Variants in RMDN2 observed in about 807,000 individuals in gnomAD.
The protein encoded by RMDN2 is regulator of microtubule dynamics protein 2.
RMDN2 carries 61 observed loss-of-function variants against 52.8 expected under a neutral mutation model. The observed-to-expected ratio is 1.16, with a 90% CI of 0.94 to 1.43. The LOEUF (loss-of-function observed/expected upper bound fraction) is 1.43, where lower values mean the gene tolerates loss of function less well. RMDN2 is among the 40% of genes most tolerant of loss of function. RMDN2 has a pLI of 0.00. For synonymous variants in RMDN2, 180 were observed against 153.1 expected, an observed-to-expected ratio of 1.18 and a Z score of -1.30; for missense variants, 592 against 475.3, an observed-to-expected ratio of 1.25 and a Z score of -2.28.
chr2:37,929,049 A>G, intron 1 of RMDN2: 1 of 389,860 alleles, frequency 2.6e-6, no homozygotes, highest in Non-Finnish European at 4.6e-6. Flanking sequence ...ACAGCTATGC[A>G]TCTTTAACTT....
At chr2:37,925,057 G>A (rs1470974461), upstream of RMDN2, among the ~76,000 whole-genome samples, 1 of 152,234 alleles carries the variant, frequency 6.6e-6, no homozygotes, top group African/African-American at 2.4e-5. Flanking sequence ...GCTGGGGCTA[G>A]CGCGGAGGCC....
intron 2 of RMDN2, among the ~76,000 whole-genome samples, chr2:37,934,456 C>T (rs1225913098): frequency 6.6e-6 from 1 of 152,222 alleles, no homozygotes; most frequent in Admixed American, 6.5e-5. Flanking sequence ...AAGTTTGTGT[C>T]TGTGTCCTTT....
chr2:38,018,275 C>T (rs549435047), downstream of RMDN2, among the ~76,000 whole-genome samples: 18 of 152,138 alleles, frequency 1.2e-4, no homozygotes, highest in South Asian at 6.2e-4. Flanking sequence ...TTCTCATACA[C>T]GGTTAGTGAG....
intron 1 of RMDN2, among the ~76,000 whole-genome samples, chr2:37,926,911 AG>A (rs993645144): frequency 4.6e-5 from 7 of 151,266 alleles, no homozygotes; most frequent in Admixed American, 3.9e-4. Flanking sequence ...ACTCCAGCCT[AG>A]GTGACAGAGC....
intron 8 of RMDN2, among the ~76,000 whole-genome samples, chr2:38,000,306 C>A (rs936582653): frequency 6.6e-6 from 1 of 152,356 alleles, no homozygotes; most frequent in Non-Finnish European, 1.5e-5. Flanking sequence ...CAGGCCATGA[C>A]CCAGACTCAT....
At chr2:38,024,957 T>G (rs1158323182) in intron 10 of RMDN2, among the ~76,000 whole-genome samples, 1 of 152,140 alleles carries the variant, frequency 6.6e-6, no homozygotes, top group African/African-American at 2.4e-5. Flanking sequence ...TGAAACCAGG[T>G]AGTGTTACTC....
chr2:37,992,510 C>G (rs1219799794), intron 7 of RMDN2, among the ~76,000 whole-genome samples: 1 of 152,204 alleles, frequency 6.6e-6, no homozygotes, highest in East Asian at 1.9e-4. Context: ...TACCTTCCAA[C>G]AACTCACATG....
intron 2 of RMDN2, among the ~76,000 whole-genome samples, chr2:37,960,508 A>G (rs898211721): frequency 1.3e-5 from 2 of 151,872 alleles, no homozygotes; most frequent in Non-Finnish European, 2.9e-5. Flanking sequence ...ATATTCCTCC[A>G]TCCCATTATT....
chr2:37,957,444 T>C (rs1669624844), intron 2 of RMDN2, among the ~76,000 whole-genome samples: 1 of 152,166 alleles, frequency 6.6e-6, no homozygotes, highest in African/African-American at 2.4e-5. Flanking sequence ...GTTGGCTGCT[T>C]TTAAGAAGTG....
Position 37,941,499 on chromosome 2 carries a change from C to T in RMDN2, c.452+11770C>T, listed in dbSNP as rs1000810958. ...TCTGCTGAAGCTGCGCCCACAGCCG[C>T]GCCTTCCCCCAGTTGCTCTGTCCCA... On this transcript the variant is annotated intron_variant, in intron 2 of 10. Transcript: ENST00000354545. 5.9e-5 allele frequency among the ~76,000 whole-genome samples: 9 copies of T among 152,348 alleles called. No homozygotes were observed. The South Asian group carries it at 1.0e-3, about 18-fold the overall frequency.
rs1668957271 is a variant in RMDN2, at chr2:37,952,471, G to T, written c.453-21569G>T. Reference sequence around the variant, plus strand: ...ACTGCTTAAAGATGGGCTAATCTCAGATTTCTGAGTGACTATTATAATACT... The same window carrying T: ...ACTGCTTAAAGATGGGCTAATCTCATATTTCTGAGTGACTATTATAATACT... On this transcript the variant is annotated intron_variant, in intron 2 of 10. Transcript: ENST00000354545. The T allele has an allele frequency of 6.3e-6, 3 of 475,258 alleles. No homozygotes were observed. In the Admixed American group the frequency reaches 1.1e-4, roughly 17 times the overall value. The allele number at this position is 475,258 out of a possible 1,614,324, so 29.4% of individuals were successfully genotyped here.
At chr2:38,020,025 A>G (rs1215619776), downstream of RMDN2, among the ~76,000 whole-genome samples, 2 of 152,212 alleles carry the variant, frequency 1.3e-5, no homozygotes, top group South Asian at 2.1e-4. Flanking sequence ...GAACAGGACT[A>G]GAATCTGATA....
intron 2 of RMDN2, among the ~76,000 whole-genome samples, chr2:37,942,501 C>T (rs1029220680): frequency 1.2e-4 from 19 of 152,128 alleles, no homozygotes; most frequent in Non-Finnish European, 2.5e-4. Context: ...TTATATGTTA[C>T]TAAATTATTC....
At position 38,007,028 on chromosome 2, in the gene RMDN2, A is replaced by G. The variant is rs527995528; in HGVS notation, c.1179+2812A>G. Among the ~76,000 whole-genome samples, 372 of 152,302 alleles carry G rather than the reference A, an allele frequency of 2.4e-3. 3 individuals carry two copies. The highest frequency in any genetic ancestry group is 0.012 in the South Asian group (58 of 4,824). ...ACATTTATTGATCTACGTATGTTGA[A>G]CCAGCCTTGCATCCCAGGGATGAAG... On this transcript the variant is annotated intron_variant, in intron 10 of 10. Transcript: ENST00000354545.
chr2:38,065,724 AGCCTAAGGATGGCCCT>A (rs1221116070), intron 10 of RMDN2, among the ~76,000 whole-genome samples: 1 of 152,258 alleles, frequency 6.6e-6, no homozygotes, highest in Non-Finnish European at 1.5e-5. Flanking sequence ...AAACTGGACC[AGCCTAAGGATGGCCCT>A]GGCTCCAACA....
At chr2:38,045,175 T>C (rs891885858) in intron 10 of RMDN2, among the ~76,000 whole-genome samples, 1 of 152,220 alleles carries the variant, frequency 6.6e-6, no homozygotes, top group African/African-American at 2.4e-5. Context: ...ATTTAAATAG[T>C]ATTTTGGCTT....
At chr2:37,960,726 G>C (rs1194215543) in intron 2 of RMDN2, among the ~76,000 whole-genome samples, 1 of 152,172 alleles carries the variant, frequency 6.6e-6, no homozygotes, top group African/African-American at 2.4e-5. Context: ...ATTTGATCCT[G>C]TCATCATGAT....
chr2:37,996,091 A>C (rs1438679894), intron 7 of RMDN2, among the ~76,000 whole-genome samples: 2 of 152,162 alleles, frequency 1.3e-5, no homozygotes, highest in Admixed American at 6.5e-5. Context: ...AAATGATGAA[A>C]TATTTCAGTT....
intron 6 of RMDN2, among the ~76,000 whole-genome samples, chr2:37,989,875 G>GT (rs1674526812): frequency 6.6e-6 from 1 of 152,176 alleles, no homozygotes; most frequent in Non-Finnish European, 1.5e-5. Context: ...CGGGCACAGA[G>GT]GCTCACGCCT....
Sources: gnomAD v4.1 joint callset for allele counts (sites outside exome capture counted in the v4.1 genomes callset) on GRCh38, gnomAD v4.1.1 for gene constraint, MANE v1.5 for transcripts, NCBI Gene and HGNC (gene_info 2026-07-23, HGNC 2026-07-21) for gene names.